Variants in GLIS3 observed in about 807,000 individuals in gnomAD.
The protein encoded by GLIS3 is GLIS family zinc finger 3, also known as zinc finger protein GLIS3.
In GLIS3, 53 loss-of-function variants were observed where a neutral mutation model predicts 78.6. The observed-to-expected ratio is 0.67, with a 90% CI of 0.54 to 0.85. The LOEUF (loss-of-function observed/expected upper bound fraction) is 0.85. Among genes scored for constraint, GLIS3 ranks in the 40% least tolerant of loss-of-function variants. GLIS3 has a pLI of 0.00. For missense variants in GLIS3, 1,703 were observed against 1,231.1 expected (o/e 1.38, Z -5.74); for synonymous variants, 684 against 509.9 (o/e 1.34, Z -4.60).
chr9:4,274,132 G>C (rs550905375), intron 2 of GLIS3, among the ~76,000 whole-genome samples: 2 of 152,174 alleles, frequency 1.3e-5, no homozygotes, highest in African/African-American at 2.4e-5. Flanking sequence ...GGCTTGAAAA[G>C]GTCACCATAG....
At chr9:4,040,111 T>C (rs1824674768) in intron 4 of GLIS3, among the ~76,000 whole-genome samples, 1 of 152,146 alleles carries the variant, frequency 6.6e-6, no homozygotes, top group Non-Finnish European at 1.5e-5. Context: ...ACAGTCCTGG[T>C]ACTTAACTGG....
intron 8 of GLIS3, among the ~76,000 whole-genome samples, chr9:3,871,206 G>T (rs539542636): frequency 6.6e-6 from 1 of 152,206 alleles, no homozygotes; most frequent in Non-Finnish European, 1.5e-5. Flanking sequence ...CTCCACTCCT[G>T]TGGCTTTGCA....
At chr9:4,212,443 G>GA (rs1413556394) in intron 2 of GLIS3, among the ~76,000 whole-genome samples, 1 of 152,166 alleles carries the variant, frequency 6.6e-6, no homozygotes, top group Admixed American at 6.5e-5. Flanking sequence ...GACAAAATAG[G>GA]AAACAAGGCA....
At chr9:4,411,720 T>C in the GLIS3 span, among the ~76,000 whole-genome samples, 7 of 152,192 alleles carry the variant, frequency 4.6e-5, no homozygotes, top group Non-Finnish European at 8.8e-5. Flanking sequence ...TCACAGCTCA[T>C]GCTCCCAAAG....
intron 4 of GLIS3, among the ~76,000 whole-genome samples, chr9:3,969,397 A>C (rs1444688612): frequency 6.6e-6 from 1 of 152,228 alleles, no homozygotes; most frequent in African/African-American, 2.4e-5. Context: ...CCAAAGAAGA[A>C]GAGGTCTGCG....
intron 10 of GLIS3, 62 bp from the exon 11 acceptor site, chr9:3,828,470 T>C: frequency 6.3e-7 from 1 of 1,599,596 alleles, no homozygotes; most frequent in Non-Finnish European, 8.5e-7. Context: ...CCACTGGAAA[T>C]GCACTACAGT....
At chr9:4,430,853 T>C in the GLIS3 span, among the ~76,000 whole-genome samples, 1 of 151,390 alleles carries the variant, frequency 6.6e-6, no homozygotes, top group Non-Finnish European at 1.5e-5. Context: ...GGAAAGTTCA[T>C]GTTTATCTCT....
chr9:4,419,387 T>C, the GLIS3 span, among the ~76,000 whole-genome samples: 1 of 152,128 alleles, frequency 6.6e-6, no homozygotes, highest in South Asian at 2.1e-4. Flanking sequence ...GGAAGCATAA[T>C]TCCGGCATCT....
intron 2 of GLIS3, among the ~76,000 whole-genome samples, chr9:4,330,810 TGAGA>T (rs1333491187): frequency 6.6e-6 from 1 of 152,130 alleles, no homozygotes; most frequent in Non-Finnish European, 1.5e-5. Flanking sequence ...CAATCGATGC[TGAGA>T]GACTTTTCAG....
chr9:3,891,096 T>G (rs1256127268), intron 7 of GLIS3, among the ~76,000 whole-genome samples: 8 of 136,010 alleles, frequency 5.9e-5, no homozygotes, highest in African/African-American at 2.1e-4. Flanking sequence ...AAGAAGAAAG[T>G]AGGAGGAAGA....
chr9:4,470,269 C>T, the GLIS3 span, among the ~76,000 whole-genome samples: 17 of 152,184 alleles, frequency 1.1e-4, no homozygotes, highest in Non-Finnish European at 2.1e-4. Context: ...CCAGCATCAT[C>T]CTGATTGCAA....
chr9:4,256,201 G>A lies in GLIS3; in HGVS notation c.388+29837C>T, dbSNP rs182631733. Among the ~76,000 whole-genome samples the A allele has an allele frequency of 1.2e-3, 187 of 152,236 alleles. 1 individual carries two copies. The highest frequency in any genetic ancestry group is 4.2e-3 in the African/African-American group (174 of 41,538). Reference sequence around the variant, plus strand: ...TAAAAAGAGCATCACAGTTCAATGAGAATAAGAGAGGCAATATTTAATTCT... The same window carrying A: ...TAAAAAGAGCATCACAGTTCAATGAAAATAAGAGAGGCAATATTTAATTCT... On this transcript the variant is annotated intron_variant, in intron 2 of 10. Transcript: ENST00000381971.
At chr9:4,042,513 G>C (rs1010182813) in intron 4 of GLIS3, among the ~76,000 whole-genome samples, 1 of 152,128 alleles carries the variant, frequency 6.6e-6, no homozygotes, top group Non-Finnish European at 1.5e-5. Context: ...AGAATGAGTA[G>C]AGCATAAAAC....
intron 2 of GLIS3, among the ~76,000 whole-genome samples, chr9:4,280,213 G>A (rs1483162298): frequency 6.6e-6 from 1 of 152,242 alleles, no homozygotes; most frequent in South Asian, 2.1e-4. Flanking sequence ...AGAGAGAGAG[G>A]GGTCTCACTT....
chr9:4,367,541 T>C, the GLIS3 span, among the ~76,000 whole-genome samples: 1 of 149,202 alleles, frequency 6.7e-6, no homozygotes, highest in Non-Finnish European at 1.5e-5. Flanking sequence ...TTAAAAATGT[T>C]CTCTGTAGCT....
At chr9:4,345,502 T>A (rs1018600432) in intron 2 of GLIS3, among the ~76,000 whole-genome samples, 1 of 152,224 alleles carries the variant, frequency 6.6e-6, no homozygotes, top group Admixed American at 6.5e-5. Context: ...TCAATAAGTA[T>A]TTTTAAATGT....
chr9:3,832,976 A>G (rs1191952906), intron 9 of GLIS3, among the ~76,000 whole-genome samples: 1 of 152,254 alleles, frequency 6.6e-6, no homozygotes, highest in Non-Finnish European at 1.5e-5. Context: ...AAGAGGGAAC[A>G]GAAGTGTCAA....
intron 3 of GLIS3, among the ~76,000 whole-genome samples, chr9:4,119,631 T>C (rs968392520): frequency 1.3e-5 from 2 of 152,172 alleles, no homozygotes; most frequent in African/African-American, 2.4e-5. Context: ...CACTTGCTAG[T>C]TGGGTTTTCT....
chr9:3,882,478 G>A (rs1821796380), intron 7 of GLIS3, among the ~76,000 whole-genome samples: 1 of 11,648 alleles, frequency 8.6e-5, no homozygotes, highest in Non-Finnish European at 2.5e-4. Flanking sequence ...TACGGCTGGT[G>A]CATTAGCTGG....
Sources: gnomAD v4.1 joint callset for allele counts (sites outside exome capture counted in the v4.1 genomes callset) on GRCh38, gnomAD v4.1.1 for gene constraint, MANE v1.5 for transcripts, NCBI Gene and HGNC (gene_info 2026-07-23, HGNC 2026-07-21) for gene names.